RPS6KA2: variants seen among roughly 807,000 people sequenced by gnomAD.
RPS6KA2 encodes the protein ribosomal protein S6 kinase A2.
RPS6KA2 carries 42 observed loss-of-function variants against 91.8 expected under a neutral mutation model. The observed-to-expected ratio is 0.46, with a 90% CI of 0.36 to 0.59. The LOEUF (loss-of-function observed/expected upper bound fraction) is 0.59. Ranked by LOEUF, RPS6KA2 falls within the 20% of genes least tolerant of loss-of-function variation. The pLI is 0.00. For synonymous variants in RPS6KA2, 414 were observed against 393.6 expected (o/e 1.05, Z -0.61); for missense variants, 798 against 978.5 (o/e 0.82, Z 2.46).
chr6:166,638,494 C>G (rs561416071), intron 2 of RPS6KA2, among the ~76,000 whole-genome samples: 72 of 152,056 alleles, frequency 4.7e-4, no homozygotes, highest in African/African-American at 1.7e-3. Context: ...TAGCTGAGCA[C>G]GTGTACCATT....
rs530400176 is a variant in RPS6KA2 at position 166,498,716 on chromosome 6, C to T, written c.605-66G>A. ...GTGTGTTCGGGGGTCCACACTCAGG[C>T]GGGCATCAGCGTCCTTCTGTGGGCT... On this transcript the variant is annotated intron_variant, in intron 7 of 20. Transcript: ENST00000265678. 2.4e-5 allele frequency: 38 copies of T among 1,579,502 alleles called. 1 individual carries two copies. The highest frequency in any genetic ancestry group is 2.3e-4 in the South Asian group (20 of 87,814).
At chr6:166,431,651 C>T (rs1258946539) in intron 15 of RPS6KA2, among the ~76,000 whole-genome samples, 1 of 152,196 alleles carries the variant, frequency 6.6e-6, no homozygotes, top group Non-Finnish European at 1.5e-5. Flanking sequence ...GAGTCTCTCT[C>T]AGTTGCCCAG....
At chr6:166,734,409 C>T (rs961389028) in intron 2 of RPS6KA2, among the ~76,000 whole-genome samples, 3 of 152,204 alleles carry the variant, frequency 2.0e-5, no homozygotes, top group African/African-American at 7.2e-5. Flanking sequence ...AATAGGTCCT[C>T]TTTTCCATAT....
intron 2 of RPS6KA2, among the ~76,000 whole-genome samples, chr6:166,669,811 A>C (rs1788420293): frequency 6.6e-6 from 1 of 152,010 alleles, no homozygotes; most frequent in South Asian, 2.1e-4. Context: ...CTCATTCCTC[A>C]CTGGTGATTC....
chr6:166,462,406 C>T (rs1780350644), intron 11 of RPS6KA2, among the ~76,000 whole-genome samples: 1 of 152,240 alleles, frequency 6.6e-6, no homozygotes. Flanking sequence ...CACCCTGCCT[C>T]TGGAGGCTCA....
intron 1 of RPS6KA2, among the ~76,000 whole-genome samples, chr6:166,577,842 T>G (rs1784883543): frequency 6.6e-6 from 1 of 152,188 alleles, no homozygotes; most frequent in African/African-American, 2.4e-5. Flanking sequence ...GTTCTGCATC[T>G]CCATCCAAAT....
At chr6:166,613,743 AGGGCTTTCCACGGCCTTCAGGACACAGTC>A (rs1562341817) in intron 1 of RPS6KA2, among the ~76,000 whole-genome samples, 8 of 147,188 alleles carry the variant, frequency 5.4e-5, no homozygotes, top group Admixed American at 2.0e-4. Context: ...GTGAAACATT[AGGGCTTTCCACGGCCTTCAGGACACAGTC>A]GGGCTTTCCA....
Position 166,448,829 on chromosome 6 carries a change from G to A in RPS6KA2, c.1227C>T (p.Ile409=). The change falls in exon 14 of 21, where the codon ATC becomes ATT. Residue 409 remains isoleucine, a synonymous_variant. Transcript: ENST00000265678. This position sits in a 1 kb window ranked among gnomAD's most constrained non-coding sequence, Gnocchi z 4.7. The stretch of plus-strand genomic sequence containing the variant: ...TGATCTCGTAGCCATCGGTGAAGTG[G>A]ATGTTGTTCCCGTGTAACTGCTGCA... ...PIVQQLHGNN[I]HFTDGYEIKE... 6.2e-7 allele frequency: 1 copy of A among 1,613,864 alleles called. No individual in the cohort carries two copies. The highest frequency in any genetic ancestry group is 1.1e-5 in the South Asian group (1 of 91,070).
At position 166,849,465 on chromosome 6, in the gene RPS6KA2, C is replaced by T. The variant is rs950013800; in HGVS notation, c.123+8735G>A. The stretch of plus-strand genomic sequence containing the variant: ...CACAGGGCCAGACACACAGTTATCA[C>T]TCCCCAGACTTTGCCCGAAGAATAA... On this transcript the variant is annotated intron_variant, in intron 2 of 21. Transcript: ENST00000503859. The surrounding 1 kb of genome is among the most constrained non-coding windows in gnomAD (Gnocchi z 4.9). 2.0e-5 allele frequency among the ~76,000 whole-genome samples: 3 copies of T among 152,140 alleles called. No homozygotes were observed. Among genetic ancestry groups the T allele is most frequent in the African/African-American group, 7.2e-5 (3 of 41,416 alleles).
Position 166,626,831 on chromosome 6 carries a change from G to A in RPS6KA2, c.99+90C>T. ...TAACTTGAACTCCCTGACGGGTCTC[G>A]GGGTCCACCCAGGGGTGGCGAGGCG... On this transcript the variant is annotated intron_variant, in intron 1 of 20. Coordinates refer to ENST00000265678, the MANE Select transcript of RPS6KA2 (RefSeq NM_021135.6). The surrounding 1 kb of genome is among the most constrained non-coding windows in gnomAD (Gnocchi z 4.1). 1 of 1,100,626 alleles carries A rather than the reference G, an allele frequency of 9.1e-7. No homozygotes were observed. The highest frequency in any genetic ancestry group is 2.6e-5 in the South Asian group (1 of 38,524). The allele number at this position is 1,100,626 out of a possible 1,614,324, so 68.2% of individuals were successfully genotyped here.
At chr6:166,523,492 T>G (rs1227698974) in intron 3 of RPS6KA2, among the ~76,000 whole-genome samples, 15 of 152,122 alleles carry the variant, frequency 9.9e-5, no homozygotes. Flanking sequence ...CTTCACCACC[T>G]CCAAACAATA....
At chr6:166,480,514 T>TAAAA (rs1554279396) in intron 10 of RPS6KA2, among the ~76,000 whole-genome samples, 1 of 110,752 alleles carries the variant, frequency 9.0e-6, no homozygotes, top group African/African-American at 3.9e-5. Context: ...TATATATATA[T>TAAAA]AATATATTTT....
chr6:166,464,253 C>A (rs747867295), intron 11 of RPS6KA2, among the ~76,000 whole-genome samples: 1 of 152,198 alleles, frequency 6.6e-6, no homozygotes, highest in Non-Finnish European at 1.5e-5. Flanking sequence ...TCAGGGCACA[C>A]CCCACGCGCT....
intron 1 of RPS6KA2, among the ~76,000 whole-genome samples, chr6:166,591,042 T>C (rs1036951436): frequency 6.6e-6 from 1 of 152,230 alleles, no homozygotes; most frequent in African/African-American, 2.4e-5. Flanking sequence ...GGTCTGACTT[T>C]AGAATTCTCT....
At chr6:166,532,863 G>GTC (rs1484935763) in intron 2 of RPS6KA2, among the ~76,000 whole-genome samples, 5 of 152,268 alleles carry the variant, frequency 3.3e-5, no homozygotes, top group African/African-American at 7.2e-5. Flanking sequence ...GTGTGTGTGT[G>GTC]TGTCCCCAAA....
chr6:166,840,876 T>A (rs1451581082), intron 2 of RPS6KA2, among the ~76,000 whole-genome samples: 3 of 150,826 alleles, frequency 2.0e-5, no homozygotes, highest in African/African-American at 7.3e-5. Flanking sequence ...GGCAGGAGAG[T>A]CACTTGAACC....
chr6:166,595,208 C>A (rs987551349), intron 1 of RPS6KA2, among the ~76,000 whole-genome samples: 5 of 152,116 alleles, frequency 3.3e-5, no homozygotes, highest in Admixed American at 6.5e-5. Flanking sequence ...CATACCACCA[C>A]GTCCGGCTAA....
chr6:166,711,793 AG>A (rs58246045), intron 2 of RPS6KA2, among the ~76,000 whole-genome samples: 102,761 of 151,452 alleles, frequency 0.68, 35,341 homozygotes, highest in East Asian at 0.84. Context: ...AAAGAGAGAG[AG>A]AGAGAGAGAC....
intron 2 of RPS6KA2, among the ~76,000 whole-genome samples, chr6:166,655,846 C>T (rs1582991064): frequency 6.6e-6 from 1 of 152,148 alleles, no homozygotes; most frequent in Middle Eastern, 3.2e-3. Flanking sequence ...CACGGCTCAG[C>T]GACTCCACCT....
Sources: gnomAD v4.1 joint callset for allele counts (sites outside exome capture counted in the v4.1 genomes callset) on GRCh38, gnomAD v4.1.1 for gene constraint, Gnocchi (gnomAD v3.1) non-coding constraint, MANE v1.5 for transcripts, NCBI Gene and HGNC (gene_info 2026-07-23, HGNC 2026-07-21) for gene names.